RC3H1: variants seen among roughly 807,000 people sequenced by gnomAD.
RC3H1 encodes the protein roquin-1.
Under a neutral mutation model 138.2 loss-of-function variants are expected in RC3H1, and 50 were observed. The observed-to-expected ratio is 0.36, with a 90% CI of 0.29 to 0.46. The LOEUF (loss-of-function observed/expected upper bound fraction) is 0.46. Among genes scored for constraint, RC3H1 ranks in the 20% least tolerant of loss-of-function variants. The probability of loss-of-function intolerance (pLI) is 1.00; values close to 1 mark genes in which losing one functional copy is unlikely to be tolerated. For synonymous variants in RC3H1, 462 were observed against 489.1 expected (o/e 0.94, Z 0.73); for missense variants, 1,031 against 1,388.1 (o/e 0.74, Z 4.09).
intron 17 of RC3H1, 47 bp downstream of exon 17, chr1:173,946,429 T>C: frequency 6.3e-7 from 1 of 1,582,166 alleles, no homozygotes; most frequent in Non-Finnish European, 8.6e-7. Flanking sequence ...TTAAAATCTC[T>C]GAGAACCCTT....
At chr1:174,013,422 A>G (rs1467205206) in intron 1 of RC3H1, among the ~76,000 whole-genome samples, 1 of 151,728 alleles carries the variant, frequency 6.6e-6, no homozygotes, top group Non-Finnish European at 1.5e-5. Context: ...ATGTATCCAT[A>G]CAATGGAATA....
chr1:174,009,974 G>T (rs1305635895), intron 1 of RC3H1, among the ~76,000 whole-genome samples: 1 of 151,868 alleles, frequency 6.6e-6, no homozygotes, highest in Non-Finnish European at 1.5e-5. Flanking sequence ...TAATTTTAGG[G>T]CCAAGAACAC....
rs1269707858 is a variant in RC3H1 at position 173,982,763 on chromosome 1, A to G, written c.732T>C (p.His244=). Residue 244 remains histidine, a synonymous_variant, in exon 5 of 20, where the codon CAT becomes CAC. Coordinates refer to ENST00000367696, the MANE Select transcript of RC3H1 (RefSeq NM_172071.4). ...AGGCTCTATAAAGGAGCTGAACAAC[A>G]TGCCCAATGCTAGTTTTAGAGGCTT... ...FPQASKTSIG[H]VVQLLYRASC... The G allele has an allele frequency of 6.2e-7, 1 of 1,613,268 alleles. No individual in the cohort carries two copies. The highest frequency in any genetic ancestry group is 1.3e-5 in the African/African-American group (1 of 74,892).
chr1:173,988,912 G>GT (rs1661145625), intron 2 of RC3H1, among the ~76,000 whole-genome samples: 1 of 152,184 alleles, frequency 6.6e-6, no homozygotes, highest in Non-Finnish European at 1.5e-5. Context: ...TCACTGAGTT[G>GT]TAAGAGTTCC....
chr1:173,995,026 T>C (rs1449530850), intron 1 of RC3H1, among the ~76,000 whole-genome samples: 1 of 152,078 alleles, frequency 6.6e-6, no homozygotes, highest in African/African-American at 2.4e-5. Context: ...TGGTAAGTGA[T>C]ATGTAGGTAA....
intron 1 of RC3H1, among the ~76,000 whole-genome samples, chr1:174,013,782 A>T (rs1661811822): frequency 6.6e-6 from 1 of 152,054 alleles, no homozygotes. Flanking sequence ...GAAGCCATGA[A>T]AAGACATGAA....
At chr1:173,940,936 C>T (rs1364298536) in intron 19 of RC3H1, among the ~76,000 whole-genome samples, 1 of 152,020 alleles carries the variant, frequency 6.6e-6, no homozygotes, top group Non-Finnish European at 1.5e-5. Flanking sequence ...ATCCTCCTGC[C>T]TCAGCCTCCC....
At chr1:173,971,152 G>A (rs969366599) in intron 8 of RC3H1, among the ~76,000 whole-genome samples, 12 of 151,874 alleles carry the variant, frequency 7.9e-5, no homozygotes, top group African/African-American at 2.9e-4. Flanking sequence ...AGTAGAGACA[G>A]GGTTTCATCA....
At chr1:173,999,394 AG>A (rs200992613) in intron 1 of RC3H1, among the ~76,000 whole-genome samples, 721 of 71,678 alleles carry the variant, frequency 0.01, 18 homozygotes, top group African/African-American at 0.09. Flanking sequence ...AAAAAAAAAG[AG>A]AGAGAGAGAA....
chr1:173,972,535 T>C lies in RC3H1; in HGVS notation c.1195A>G (p.Ser399Gly), dbSNP rs762309710. 6.2e-7 allele frequency: 1 copy of C among 1,613,880 alleles called. No homozygotes were observed. Among genetic ancestry groups the C allele is most frequent in the East Asian group, 2.2e-5 (1 of 44,888 alleles). ...HGLVDYIQNH[S>G]KKGADQQQPP... Reference sequence around the variant, plus strand: ...TGCTGCTGATCTGCTCCTTTTTTGCTGTGGTTCTGGATATAATCAACCAGC... The same window carrying C: ...TGCTGCTGATCTGCTCCTTTTTTGCCGTGGTTCTGGATATAATCAACCAGC... Residue 399 changes from serine (S) to glycine (G), a missense_variant, in exon 8 of 20, where the codon AGC (serine) becomes GGC (glycine). Transcript: ENST00000367696.
At chr1:173,962,163 C>A in intron 11 of RC3H1, 68 bp from the exon 12 acceptor site, 1 of 1,401,610 alleles carries the variant, frequency 7.1e-7, no homozygotes, top group Middle Eastern at 1.8e-4. Flanking sequence ...TAAGATTTTA[C>A]CTTTTAAAAT....
chr1:174,003,616 A>G (rs1661598948), intron 1 of RC3H1, among the ~76,000 whole-genome samples: 1 of 152,004 alleles, frequency 6.6e-6, no homozygotes, highest in South Asian at 2.1e-4. Context: ...AATACAGCAA[A>G]GCTAGGCTAT....
intron 17 of RC3H1, among the ~76,000 whole-genome samples, chr1:173,944,707 A>G (rs61828898): frequency 0.093 from 14,169 of 152,356 alleles, 881 homozygotes; most frequent in East Asian, 0.22. Context: ...TTTCTATGAC[A>G]GGAATCGGCA....
chr1:173,948,681 T>C (rs1018071782), intron 14 of RC3H1, among the ~76,000 whole-genome samples: 4 of 152,098 alleles, frequency 2.6e-5, no homozygotes, highest in Non-Finnish European at 5.9e-5. Context: ...CTCAACCTCC[T>C]GGGCTCAAGC....
chr1:173,941,389 G>C lies in RC3H1; in HGVS notation c.3136-9C>G. The C allele has an allele frequency of 1.3e-6, 2 of 1,546,468 alleles. No individual in the cohort carries two copies. Among genetic ancestry groups the C allele is most frequent in the Non-Finnish European group, 1.8e-6 (2 of 1,119,062 alleles). On this transcript the variant is annotated splice_polypyrimidine_tract_variant and intron_variant, in intron 18 of 19. Transcript: ENST00000367696. ...AGAGAACACTGGTTTTCCTTTGAAA[G>C]AGAAGGAAATAAAATCAGTTATCAT... is the stretch of plus-strand genomic sequence containing the variant.
chr1:173,999,329 G>A (rs904597825), intron 1 of RC3H1, among the ~76,000 whole-genome samples: 1 of 149,352 alleles, frequency 6.7e-6, no homozygotes, highest in Non-Finnish European at 1.5e-5. Flanking sequence ...GCGGTGAGCC[G>A]AGATCGTGCC....
intron 2 of RC3H1, among the ~76,000 whole-genome samples, chr1:173,989,498 T>C (rs12086160): frequency 3.2e-4 from 48 of 152,300 alleles, no homozygotes; most frequent in African/African-American, 1.1e-3. Context: ...CAATTGTTCG[T>C]ATCTTTGAAA....
intron 1 of RC3H1, among the ~76,000 whole-genome samples, chr1:174,008,757 A>G (rs1426366996): frequency 6.6e-6 from 1 of 152,160 alleles, no homozygotes; most frequent in Non-Finnish European, 1.5e-5. Context: ...CCAGCAGATC[A>G]CCTGAGGTCA....
Position 173,944,017 on chromosome 1 carries a change from C to A in RC3H1, c.2962-402G>T, listed in dbSNP as rs180679687. On this transcript the variant is annotated intron_variant, in intron 17 of 19. Coordinates refer to ENST00000367696, the MANE Select transcript of RC3H1 (RefSeq NM_172071.4). ...CTACAAAAAATAAAAAATAAAAAAA[C>A]CAAAAAATTAGCCTGGGATGGTGGT... Among the ~76,000 whole-genome samples, 570 of 151,596 alleles carry A rather than the reference C, an allele frequency of 3.8e-3. 4 individuals are homozygous for A. Among genetic ancestry groups the A allele is most frequent in the African/African-American group, 0.013 (548 of 41,368 alleles).
Sources: allele counts gnomAD v4.1 joint callset (sites outside exome capture counted in the v4.1 genomes callset), GRCh38; gene constraint gnomAD v4.1.1; transcripts MANE v1.5; gene names NCBI Gene and HGNC (gene_info 2026-07-23, HGNC 2026-07-21).